The following ZNF664 variants were observed in gnomAD, a reference collection of about 807,000 sequenced individuals.
ZNF664 encodes zinc finger protein 664.
A neutral mutation model predicts 18.2 loss-of-function variants in ZNF664; 10 were observed. The observed-to-expected ratio is 0.55, with a 90% confidence interval of 0.34 to 0.93. The LOEUF (loss-of-function observed/expected upper bound fraction) is 0.93. ZNF664 is among the 40% of genes least tolerant of loss of function. The probability of loss-of-function intolerance (pLI) is 0.02; values close to 1 mark genes in which losing one functional copy is unlikely to be tolerated. For synonymous variants in ZNF664, 119 were observed against 104.2 expected (o/e 1.14, Z -0.86); for missense variants, 193 against 319.0 (o/e 0.61, Z 3.01).
chr12:124,007,868 A>G (rs707334), intron 3 of ZNF664, among the ~76,000 whole-genome samples: 11,887 of 152,138 alleles, frequency 0.078, 684 homozygotes, highest in Non-Finnish European at 0.11. Context: ...GAAGCATTTT[A>G]AGTCACACAT....
chr12:124,008,838 G>C (rs1367995013), intron 3 of ZNF664, among the ~76,000 whole-genome samples: 1 of 151,878 alleles, frequency 6.6e-6, no homozygotes, highest in Non-Finnish European at 1.5e-5. Flanking sequence ...TTGCTTTCTG[G>C]CATAACAGGA....
rs890771894 is a variant in ZNF664 at position 123,995,353 on chromosome 12, G to A, written c.-661+7215G>A. Among the ~76,000 whole-genome samples, 10 of 152,240 alleles carry A rather than the reference G, an allele frequency of 6.6e-5. 1 individual carries two copies. Among genetic ancestry groups the A allele is most frequent in the African/African-American group, 2.2e-4 (9 of 41,464 alleles). ...GTCAATGCTTCACAGACTATTGTGT[G>A]ACCTGGGGATCCTGCTAAAATGCAA... On this transcript the variant is annotated intron_variant, in intron 3 of 4. Coordinates refer to ENST00000337815, the MANE Select transcript of ZNF664 (RefSeq NM_152437.3).
chr12:123,985,999 T>G (rs1956820181), intron 2 of ZNF664, among the ~76,000 whole-genome samples: 1 of 152,302 alleles, frequency 6.6e-6, no homozygotes, highest in South Asian at 2.1e-4. Context: ...TCTGAAACAT[T>G]TACATAGGTC....
chr12:123,990,689 C>G (rs1420329697), intron 3 of ZNF664, among the ~76,000 whole-genome samples: 1 of 152,192 alleles, frequency 6.6e-6, no homozygotes, highest in Admixed American at 6.5e-5. Flanking sequence ...CCAGCTAGTT[C>G]CTGCCTGACC....
chr12:123,975,394 C>G (rs1956676792), intron 2 of ZNF664, among the ~76,000 whole-genome samples: 1 of 150,496 alleles, frequency 6.6e-6, no homozygotes, highest in Admixed American at 6.6e-5. Context: ...GCATTTTTTC[C>G]TAGGGCTTTC....
At chr12:123,988,535 G>A (rs896828443) in intron 3 of ZNF664, among the ~76,000 whole-genome samples, 2 of 151,596 alleles carry the variant, frequency 1.3e-5, no homozygotes, top group African/African-American at 2.4e-5. Flanking sequence ...TATCCTCACC[G>A]AGCTATCAAA....
At chr12:124,006,225 T>C (rs1957071983) in intron 3 of ZNF664, 2 of 152,248 alleles carry the variant, frequency 1.3e-5, no homozygotes, top group African/African-American at 4.8e-5. Flanking sequence ...TCCATGTAAA[T>C]AGTTGGCATT....
At chr12:124,000,686 C>T (rs988111201) in intron 3 of ZNF664, among the ~76,000 whole-genome samples, 2 of 152,182 alleles carry the variant, frequency 1.3e-5, no homozygotes, top group Non-Finnish European at 1.5e-5. Context: ...CCTCTGTCTG[C>T]TCTGTTGTGT....
chr12:123,975,436 AGAG>A (rs1956678084), intron 2 of ZNF664, among the ~76,000 whole-genome samples: 1 of 145,106 alleles, frequency 6.9e-6, no homozygotes, highest in African/African-American at 2.7e-5. Flanking sequence ...AAAAAAAAAA[AGAG>A]AGAGAGATAG....
intron 2 of ZNF664, among the ~76,000 whole-genome samples, chr12:123,985,579 TAAGAA>T (rs1460757977): frequency 1.3e-5 from 2 of 152,220 alleles, no homozygotes; most frequent in African/African-American, 4.8e-5. Context: ...AATATTTCGT[TAAGAA>T]AAGATAACAG....
intron 3 of ZNF664, among the ~76,000 whole-genome samples, chr12:124,007,591 C>T (rs1957087686): frequency 6.6e-6 from 1 of 152,154 alleles, no homozygotes; most frequent in Non-Finnish European, 1.5e-5. Context: ...AGAGCCGTTT[C>T]GGGGATTATA....
intron 3 of ZNF664, among the ~76,000 whole-genome samples, chr12:123,995,417 C>G (rs2138390876): frequency 6.6e-6 from 1 of 152,332 alleles, no homozygotes; most frequent in South Asian, 2.1e-4. Flanking sequence ...TGAGGTTTTG[C>G]ATGTCTGACA....
intron 3 of ZNF664, among the ~76,000 whole-genome samples, chr12:124,009,580 C>G (rs1215640906): frequency 2.0e-5 from 3 of 152,088 alleles, no homozygotes; most frequent in Non-Finnish European, 2.9e-5. Context: ...CTCAATGTAG[C>G]CTTGAACTCC....
In ZNF664 at chr12:124,012,375, T is replaced by C; in HGVS notation, c.231T>C (p.His77=). Residue 77 remains histidine, a synonymous_variant, in exon 5 of 5, where the codon CAT becomes CAC. Coordinates refer to ENST00000337815, the MANE Select transcript of ZNF664 (RefSeq NM_152437.3). ...GCACTACAACAAAACTTAATAGACA[T>C]AAGAAAATCCACACAGTGGAGAAGC... ...DFSTTTKLNR[H]KKIHTVEKPY... 6.2e-7 allele frequency: 1 copy of C among 1,614,182 alleles called. No homozygotes were observed. The highest frequency in any genetic ancestry group is 8.5e-7 in the Non-Finnish European group (1 of 1,180,026).
chr12:123,984,691 G>A (rs948905807), intron 2 of ZNF664, among the ~76,000 whole-genome samples: 5 of 151,998 alleles, frequency 3.3e-5, no homozygotes, highest in Admixed American at 3.3e-4. Flanking sequence ...CCTTTTATAG[G>A]GACTTTGAGT....
intron 3 of ZNF664, among the ~76,000 whole-genome samples, chr12:124,006,559 A>G (rs998763383): frequency 1.1e-4 from 16 of 152,174 alleles, no homozygotes; most frequent in Non-Finnish European, 8.8e-5. Flanking sequence ...AGTTGCCCTC[A>G]ATTTTAATTG....
chr12:124,010,273 C>G (rs1333866783), intron 3 of ZNF664, among the ~76,000 whole-genome samples: 7 of 152,168 alleles, frequency 4.6e-5, no homozygotes, highest in Non-Finnish European at 1.5e-5. Context: ...TACATCTCCT[C>G]AAACACCCAT....
rs1229030258 is a variant in ZNF664 at position 124,015,083 on chromosome 12, A to T, written c.*2153A>T. The T allele has an allele frequency of 1.2e-5, 2 of 167,128 alleles. No homozygotes were observed. The highest frequency in any genetic ancestry group is 6.5e-5 in the Admixed American group (1 of 15,290). The allele number at this position is 167,128 out of a possible 1,614,324, so 10.4% of individuals were successfully genotyped here. On this transcript the variant is annotated 3_prime_UTR_variant, in exon 5 of 5. Transcript: ENST00000337815. ...TAGACTTTTAGTTGATAGCCAGTTG[A>T]AATATCATTGATAGAATTTTAGTTT...
intron 2 of ZNF664, among the ~76,000 whole-genome samples, chr12:123,984,778 A>G (rs146017060): frequency 0.013 from 2,027 of 152,194 alleles, 14 homozygotes; most frequent in Middle Eastern, 0.041. Flanking sequence ...GATACAGGTA[A>G]GAAGAAAAGA....
Sources: allele counts gnomAD v4.1 joint callset (sites outside exome capture counted in the v4.1 genomes callset), GRCh38; gene constraint gnomAD v4.1.1; transcripts MANE v1.5; gene names NCBI Gene and HGNC (gene_info 2026-07-23, HGNC 2026-07-21).